Variants in CSGALNACT1 observed in about 807,000 individuals in gnomAD.
CSGALNACT1 encodes chondroitin sulfate N-acetylgalactosaminyltransferase 1, also known as beta4GalNAcT-1.
In CSGALNACT1, 52 loss-of-function variants were observed where a neutral mutation model predicts 51.0. The observed-to-expected ratio is 1.02, with a 90% confidence interval of 0.82 to 1.29. The LOEUF is 1.29. Among genes scored for constraint, CSGALNACT1 ranks in the 50% most tolerant of loss-of-function variants. The pLI, the probability that CSGALNACT1 is intolerant of heterozygous loss-of-function variation, is 0.00. For missense variants in CSGALNACT1, 935 were observed against 679.2 expected (o/e 1.38, Z -4.19); for synonymous variants, 341 against 254.4 (o/e 1.34, Z -3.24).
chr8:19,472,945 G>T lies in CSGALNACT1; in HGVS notation c.635-14303C>A, dbSNP rs796072276. Among the ~76,000 whole-genome samples the T allele has an allele frequency of 2.6e-5, 4 of 152,292 alleles. 1 individual carries two copies. Among genetic ancestry groups the T allele is most frequent in the African/African-American group, 9.6e-5 (4 of 41,556 alleles). ...GCCTGATACATAGGAAGTACTCAGTGATGTTAGAAATAACTATAATAATTG... is the reference window on the plus strand; with the variant it reads ...GCCTGATACATAGGAAGTACTCAGTTATGTTAGAAATAACTATAATAATTG... On this transcript the variant is annotated intron_variant, in intron 4 of 9. Transcript: ENST00000454498.
chr8:19,539,438 A>G (rs927300398), intron 3 of CSGALNACT1, among the ~76,000 whole-genome samples: 14 of 152,302 alleles, frequency 9.2e-5, no homozygotes, highest in African/African-American at 3.1e-4. Context: ...CCTATATTCT[A>G]CCGTAACCTC....
Position 19,439,058 on chromosome 8 carries a change from C to G in CSGALNACT1, c.953+772G>C, listed in dbSNP as rs1446086901. On this transcript the variant is annotated intron_variant, in intron 6 of 9. Coordinates refer to ENST00000454498, the Ensembl canonical transcript of CSGALNACT1. Reference sequence around the variant, plus strand: ...CACAGAAACCACCCACCTGATTACTCAAATTGCCCCCCTGCAAACCTCCAG... The same window carrying G: ...CACAGAAACCACCCACCTGATTACTGAAATTGCCCCCCTGCAAACCTCCAG... Among the ~76,000 whole-genome samples, 5 of 152,172 alleles carry G rather than the reference C, an allele frequency of 3.3e-5. No homozygotes were observed. In the East Asian group the frequency reaches 9.7e-4, roughly 29 times the overall value.
chr8:19,504,344 G>A (rs2076929917), intron 4 of CSGALNACT1, among the ~76,000 whole-genome samples: 1 of 152,192 alleles, frequency 6.6e-6, no homozygotes, highest in Non-Finnish European at 1.5e-5. Flanking sequence ...CCAAAGTGCT[G>A]GGATTACAGG....
At chr8:19,592,199 A>C (rs2047962013) in intron 2 of CSGALNACT1, among the ~76,000 whole-genome samples, 2 of 152,248 alleles carry the variant, frequency 1.3e-5, no homozygotes, top group African/African-American at 4.8e-5. Flanking sequence ...AGGGGAAAAT[A>C]GTTTAAAGGA....
At chr8:19,514,005 G>A (rs1192060058) in intron 3 of CSGALNACT1, among the ~76,000 whole-genome samples, 1 of 152,108 alleles carries the variant, frequency 6.6e-6, no homozygotes, top group Non-Finnish European at 1.5e-5. Flanking sequence ...TCAGAGCAGG[G>A]TTTTCAGGTG....
intron 3 of CSGALNACT1, among the ~76,000 whole-genome samples, chr8:19,550,765 C>G (rs1237166947): frequency 6.6e-6 from 1 of 152,132 alleles, no homozygotes; most frequent in Non-Finnish European, 1.5e-5. Context: ...ATCCTCTAAT[C>G]CTGGCATGGT....
Position 19,424,084 on chromosome 8 carries a change from T to C in CSGALNACT1, c.954-3566A>G, listed in dbSNP as rs190277145. 3.9e-5 allele frequency among the ~76,000 whole-genome samples: 6 copies of C among 152,292 alleles called. No homozygotes were observed. The East Asian group carries it at 9.7e-4, about 25-fold the overall frequency. ...GATCAACACTGGCCAGAAGGCAACA[T>C]TGCTGGCTTGGCAGTATGGGTCCAT... is the stretch of plus-strand genomic sequence containing the variant. On this transcript the variant is annotated intron_variant, in intron 6 of 9. Transcript: ENST00000454498.
chr8:19,708,079 G>A (rs902223777), intron 1 of CSGALNACT1, among the ~76,000 whole-genome samples: 10 of 152,196 alleles, frequency 6.6e-5, no homozygotes, highest in African/African-American at 2.4e-4. Context: ...AGGATGAGCT[G>A]AGCAGAGGAA....
At chr8:19,467,593 C>T (rs572708642) in intron 4 of CSGALNACT1, among the ~76,000 whole-genome samples, 4 of 151,472 alleles carry the variant, frequency 2.6e-5, no homozygotes, top group Non-Finnish European at 5.9e-5. Context: ...GGCCTGCCAG[C>T]CTCGCGGAGT....
At chr8:19,408,745 T>TAGAGTGTTC in intron 8 of CSGALNACT1, 51 bp from the exon 8 acceptor site, 1 of 1,549,290 alleles carries the variant, frequency 6.5e-7, no homozygotes, top group Non-Finnish European at 8.9e-7. Flanking sequence ...TGGACAAAAA[T>TAGAGTGTTC]AGAGTGTTCA....
chr8:19,662,876 C>A (rs1483797065), intron 1 of CSGALNACT1, among the ~76,000 whole-genome samples: 1 of 152,148 alleles, frequency 6.6e-6, no homozygotes, highest in African/African-American at 2.4e-5. Flanking sequence ...TGCCACACAT[C>A]CAGCTACTCT....
At chr8:19,586,381 G>A (rs1192711011) in intron 3 of CSGALNACT1, among the ~76,000 whole-genome samples, 1 of 146,118 alleles carries the variant, frequency 6.8e-6, no homozygotes, top group Non-Finnish European at 1.5e-5. Flanking sequence ...CAAAAACACA[G>A]TGGAGACACG....
At position 19,542,951 on chromosome 8, in the gene CSGALNACT1, G is replaced by A. The variant is rs1034671156; in HGVS notation, c.-296-36821C>T. 5.9e-5 allele frequency among the ~76,000 whole-genome samples: 9 copies of A among 152,044 alleles called. No individual in the cohort carries two copies. In the East Asian group the frequency reaches 1.5e-3, roughly 26 times the overall value. ...ACTTCAATAATGAAATATCAGAGAG[G>A]TATGAGCTATCAACAAGCAGAGAGC... is the stretch of plus-strand genomic sequence containing the variant. On this transcript the variant is annotated intron_variant, in intron 3 of 9. Transcript: ENST00000454498.
At chr8:19,554,893 G>A (rs1036551488) in intron 3 of CSGALNACT1, among the ~76,000 whole-genome samples, 1 of 152,096 alleles carries the variant, frequency 6.6e-6, no homozygotes, top group Non-Finnish European at 1.5e-5. Context: ...ATTGCAGCCT[G>A]GGTGACAGAG....
intron 1 of CSGALNACT1, among the ~76,000 whole-genome samples, chr8:19,663,746 T>A (rs899923102): frequency 6.6e-6 from 1 of 152,238 alleles, no homozygotes; most frequent in African/African-American, 2.4e-5. Flanking sequence ...ATACTACATT[T>A]CTATTGTGCA....
intron 4 of CSGALNACT1, among the ~76,000 whole-genome samples, chr8:19,496,798 G>A (rs1315705497): frequency 6.6e-6 from 1 of 152,138 alleles, no homozygotes; most frequent in Non-Finnish European, 1.5e-5. Context: ...CAGATGAGTA[G>A]GGCAGTGAAG....
At chr8:19,728,096 C>A (rs2063499866) in intron 1 of CSGALNACT1, among the ~76,000 whole-genome samples, 1 of 152,100 alleles carries the variant, frequency 6.6e-6, no homozygotes, top group South Asian at 2.1e-4. Flanking sequence ...TAAATCTGGG[C>A]TCCAGCACTT....
intron 4 of CSGALNACT1, among the ~76,000 whole-genome samples, chr8:19,462,834 G>C (rs148558727): frequency 6.6e-6 from 1 of 151,060 alleles, no homozygotes; most frequent in African/African-American, 2.4e-5. Context: ...CAACTTTTAG[G>C]TTCAGAAGGA....
Position 19,525,581 on chromosome 8 carries a change from C to T in CSGALNACT1, c.-296-19451G>A, listed in dbSNP as rs897888447. ...GCAGTGAGCTGAGATCATGCCACTG[C>T]ATGCCAGTCTGGCTGACAGAGGGAA... On this transcript the variant is annotated intron_variant, in intron 3 of 9. Coordinates refer to ENST00000454498, the Ensembl canonical transcript of CSGALNACT1. Among the ~76,000 whole-genome samples the T allele has an allele frequency of 2.5e-5, 3 of 119,396 alleles. No individual in the cohort carries two copies. The Admixed American group carries it at 3.6e-4, about 14-fold the overall frequency. The allele number at this position is 119,396 out of a possible 152,430, so 78.3% of individuals were successfully genotyped here.
Sources: allele counts gnomAD v4.1 joint callset (sites outside exome capture counted in the v4.1 genomes callset), GRCh38; gene constraint gnomAD v4.1.1; transcripts MANE v1.5; gene names NCBI Gene and HGNC (gene_info 2026-07-23, HGNC 2026-07-21).